SYTL2: variants seen among roughly 807,000 people sequenced by gnomAD.
SYTL2 encodes synaptotagmin-like protein 2.
Under a neutral mutation model 198.7 loss-of-function variants are expected in SYTL2, and 165 were observed. The ratio of observed to expected loss-of-function variants is 0.83; its 90% CI spans 0.73 to 0.94. SYTL2 has a LOEUF of 0.94. Ranked by LOEUF, SYTL2 falls within the 40% of genes least tolerant of loss-of-function variation. The pLI is 0.00. For synonymous variants in SYTL2, 966 were observed against 917.7 expected, an observed-to-expected ratio of 1.05 and a Z score of -0.95; for missense variants, 2,835 against 2,582.8, an observed-to-expected ratio of 1.10 and a Z score of -2.12.
the SYTL2 span, among the ~76,000 whole-genome samples, chr11:85,828,929 T>C: frequency 0.017 from 2,602 of 152,236 alleles, 58 homozygotes; most frequent in African/African-American, 0.057. Context: ...TGGTCTTCTG[T>C]GCAGTAGCTC....
chr11:85,837,331 C>A, the SYTL2 span, among the ~76,000 whole-genome samples: 1 of 152,150 alleles, frequency 6.6e-6, no homozygotes, highest in African/African-American at 2.4e-5. Context: ...AGAGGAAGAC[C>A]TAGCAGCGAT....
chr11:85,758,678 C>T (rs142858206), intron 1 of SYTL2, among the ~76,000 whole-genome samples: 1 of 152,270 alleles, frequency 6.6e-6, no homozygotes, highest in East Asian at 1.9e-4. Context: ...TTTCATTTCT[C>T]AGGGGAAAAA....
chr11:85,811,820 G>T (rs1217946469), upstream of SYTL2, among the ~76,000 whole-genome samples: 2 of 152,194 alleles, frequency 1.3e-5, no homozygotes, highest in Non-Finnish European at 2.9e-5. Flanking sequence ...CAATATTGTG[G>T]TCGGGCGCGG....
intron 13 of SYTL2, 131 bp downstream of exon 13, chr11:85,710,981 TA>T: frequency 1.1e-6 from 1 of 931,442 alleles, no homozygotes; most frequent in Non-Finnish European, 1.6e-6. Context: ...AGCCAGAAGC[TA>T]ATTATGGATT....
In SYTL2 at chr11:85,734,652, G is replaced by A. The variant is rs1231867657; in HGVS notation, c.677C>T (p.Ser226Leu). 4 of 1,614,178 alleles carry A rather than the reference G, an allele frequency of 2.5e-6. No individual in the cohort carries two copies. Among genetic ancestry groups the A allele is most frequent in the Non-Finnish European group, 3.4e-6 (4 of 1,180,016 alleles). ...EKSKQTLPGLSNGSQIKAPIP... is the reference protein window; with the variant it reads ...EKSKQTLPGLLNGSQIKAPIP... ...TGGAGCCTTGATTTGGGACCCATTT[G>A]AAAGGCCTGGCAAAGTCTGCTTTGA... The change falls in exon 7 of 20, where the codon TCA becomes TTA. Residue 226 changes from serine to leucine, a missense_variant. Ser to Leu is a moderately radical substitution (Grantham distance 145). Around this residue, in one of 3 missense-constraint regions of SYTL2, gnomAD observed 2,645 missense variants for 2,381.7 expected, o/e 1.11. Transcript: ENST00000359152.
At chr11:85,822,171 C>G in the SYTL2 span, among the ~76,000 whole-genome samples, 1 of 152,188 alleles carries the variant, frequency 6.6e-6, no homozygotes, top group Non-Finnish European at 1.5e-5. Flanking sequence ...CCTAGTCTGT[C>G]TCCTCTCAAA....
chr11:85,727,789 T>C lies in SYTL2; in HGVS notation c.1569A>G (p.Leu523=), dbSNP rs1318723802. The change falls in exon 8 of 20, where the codon CTA becomes CTG. Residue 523 remains leucine, a synonymous_variant. Coordinates refer to ENST00000359152, the MANE Select transcript of SYTL2 (RefSeq NM_206927.4). ...KSTDDSIFKV[L]DWFNRSSYSD... The stretch of plus-strand genomic sequence containing the variant: ...AATAAGAACTTCGGTTAAACCAGTC[T>C]AGAACTTTAAATATGGAATCATCAG... 1 of 1,595,326 alleles carries C rather than the reference T, an allele frequency of 6.3e-7. No individual in the cohort carries two copies. The highest frequency in any genetic ancestry group is 8.5e-7 in the Non-Finnish European group (1 of 1,170,590).
chr11:85,697,014 A>G (rs2153354041), intron 18 of SYTL2, among the ~76,000 whole-genome samples: 2 of 152,302 alleles, frequency 1.3e-5, no homozygotes, highest in East Asian at 1.9e-4. Context: ...GTAAGTGGCA[A>G]TATAAGACAA....
intron 12 of SYTL2, 67 bp from the exon 13 acceptor site, chr11:85,711,299 T>C (rs762355875): frequency 1.9e-4 from 298 of 1,544,310 alleles, no homozygotes; most frequent in Non-Finnish European, 2.6e-4. Context: ...AATCTCTGTT[T>C]AGGCAAAGAT....
intron 1 of SYTL2, among the ~76,000 whole-genome samples, chr11:85,804,119 G>T (rs926092605): frequency 4.6e-5 from 7 of 152,116 alleles, no homozygotes; most frequent in Admixed American, 4.6e-4. Context: ...CTAAGTTGCT[G>T]ACTCATCACT....
At chr11:85,780,633 A>C (rs1233249129) in intron 1 of SYTL2, among the ~76,000 whole-genome samples, 8 of 152,156 alleles carry the variant, frequency 5.3e-5, no homozygotes, top group Non-Finnish European at 8.8e-5. Context: ...CTTCTCCCAT[A>C]CTTTGCCCTA....
At chr11:85,854,447 C>CA in the SYTL2 span, 2 of 151,598 alleles carry the variant, frequency 1.3e-5, no homozygotes, top group African/African-American at 4.9e-5. Context: ...GAAAGAACAG[C>CA]AAAAAGCGAA....
At chr11:85,695,388 T>C (rs2083272285) in intron 19 of SYTL2, 48 bp from the exon 20 acceptor site, 38 of 1,472,558 alleles carry the variant, frequency 2.6e-5, no homozygotes, top group Non-Finnish European at 3.4e-5. Flanking sequence ...TCATTGGGGG[T>C]AGGGGAAAGA....
chr11:85,828,202 A>G, the SYTL2 span, among the ~76,000 whole-genome samples: 1 of 152,196 alleles, frequency 6.6e-6, no homozygotes, highest in Non-Finnish European at 1.5e-5. Context: ...AGTCACTCCC[A>G]GAAGACTTAT....
chr11:85,727,018 G>T lies in SYTL2; in HGVS notation c.2340C>A (p.Pro780=). Residue 780 remains proline, a synonymous_variant, in exon 8 of 20, where the codon CCC becomes CCA. Coordinates refer to ENST00000359152, the MANE Select transcript of SYTL2 (RefSeq NM_206927.4). Reference sequence around the variant, plus strand: ...ATTTCTCTCTCTGCACTTGGTTCTTGGGAACCTCACCAGCTTCTTGCTGGA... The same window carrying T: ...ATTTCTCTCTCTGCACTTGGTTCTTTGGAACCTCACCAGCTTCTTGCTGGA... ...VQFQQEAGEV[P]KNQVQREKYK... is the part of the protein sequence containing the mutation. 1 of 1,536,364 alleles carries T rather than the reference G, an allele frequency of 6.5e-7. No homozygotes were observed. The highest frequency in any genetic ancestry group is 1.2e-5 in the South Asian group (1 of 84,034).
chr11:85,823,630 T>C, the SYTL2 span, among the ~76,000 whole-genome samples: 1 of 152,216 alleles, frequency 6.6e-6, no homozygotes, highest in Non-Finnish European at 1.5e-5. Flanking sequence ...TCAATACTAC[T>C]AAGTATCCGT....
intron 1 of SYTL2, among the ~76,000 whole-genome samples, chr11:85,799,887 T>A (rs1224567018): frequency 6.6e-6 from 1 of 152,200 alleles, no homozygotes; most frequent in African/African-American, 2.4e-5. Context: ...TGAGTATCTA[T>A]CAAATAAATT....
At chr11:85,748,508 A>G in intron 2 of SYTL2, 85 bp from the exon 3 acceptor site, 1 of 1,385,540 alleles carries the variant, frequency 7.2e-7, no homozygotes, top group Non-Finnish European at 1.0e-6. Flanking sequence ...GACATGTGTA[A>G]ACACACAGAT....
intron 9 of SYTL2, 33 bp downstream of exon 9, chr11:85,720,825 G>A: frequency 1.4e-6 from 2 of 1,466,594 alleles, no homozygotes; most frequent in Non-Finnish European, 1.9e-6. Context: ...AGCTTAGATG[G>A]GGCATGAACA....
Sources: gnomAD v4.1 joint callset for allele counts (sites outside exome capture counted in the v4.1 genomes callset) on GRCh38, gnomAD v4.1.1 for gene constraint, gnomAD v4.1.1 regional missense constraint, MANE v1.5 for transcripts, NCBI Gene and HGNC (gene_info 2026-07-23, HGNC 2026-07-21) for gene names.